Variants in NAE1 observed in about 807,000 individuals in gnomAD.
NAE1 encodes NEDD8 activating enzyme E1 subunit 1.
In NAE1, 59 loss-of-function variants were observed where a neutral mutation model predicts 88.0. That is an observed-to-expected ratio of 0.67 (90% CI 0.54 to 0.83). The LOEUF (loss-of-function observed/expected upper bound fraction) is 0.83. Among genes scored for constraint, NAE1 ranks in the 40% least tolerant of loss-of-function variants. The probability of loss-of-function intolerance (pLI) is 0.00; values close to 1 mark genes in which losing one functional copy is unlikely to be tolerated. For missense variants in NAE1, 554 were observed against 632.8 expected (o/e 0.88, Z 1.34); for synonymous variants, 186 against 208.9 (o/e 0.89, Z 0.95).
rs1248734881 is a variant in NAE1, at chr16:66,823,277, G to A, written c.351C>T (p.Pro117=). The A allele has an allele frequency of 1.2e-6, 2 of 1,604,350 alleles. No homozygotes were observed. The highest frequency in any genetic ancestry group is 8.5e-7 in the Non-Finnish European group (1 of 1,176,926). Residue 117 remains proline (P), a synonymous_variant, in exon 6 of 20, where the codon CCC becomes CCT. Transcript: ENST00000290810. ...CAACAGTAAACCTACAGAAAAATGA[G>A]GGATCATTGTCTAGAAGGTTTTCTG... ...ESPENLLDND[P]SFFCRFTVVV...
chr16:66,819,514 T>C (rs1378978427), intron 7 of NAE1, among the ~76,000 whole-genome samples: 1 of 152,222 alleles, frequency 6.6e-6, no homozygotes, highest in Non-Finnish European at 1.5e-5. Context: ...GCATCATCTA[T>C]AAAAAGCAGA....
intron 6 of NAE1, among the ~76,000 whole-genome samples, chr16:66,822,054 AC>A (rs1294383967): frequency 6.6e-6 from 1 of 152,086 alleles, no homozygotes; most frequent in African/African-American, 2.4e-5. Flanking sequence ...TTTTGTAGAC[AC>A]AAGGTTTTGC....
intron 19 of NAE1, among the ~76,000 whole-genome samples, chr16:66,803,464 G>A (rs1478456751): frequency 6.6e-6 from 1 of 152,044 alleles, no homozygotes; most frequent in Non-Finnish European, 1.5e-5. Flanking sequence ...TGTAATTTAG[G>A]AAGGATCTAT....
chr16:66,828,253 G>A, intron 1 of NAE1: 1 of 467,272 alleles, frequency 2.1e-6, no homozygotes, highest in Non-Finnish European at 3.9e-6. Flanking sequence ...CACTTTGGGA[G>A]GCGGAGGCAG....
At chr16:66,828,919 G>GAGC in intron 1 of NAE1, among the ~76,000 whole-genome samples, 1 of 151,596 alleles carries the variant, frequency 6.6e-6, no homozygotes, top group South Asian at 2.1e-4. Flanking sequence ...AGGCTGCAGT[G>GAGC]AGCAGTGTTC....
chr16:66,812,402 T>C (rs1959838385), intron 13 of NAE1, among the ~76,000 whole-genome samples: 1 of 152,098 alleles, frequency 6.6e-6, no homozygotes. Flanking sequence ...GGATCAAATA[T>C]TAAGTTTATC....
intron 6 of NAE1, 115 bp downstream of exon 6, chr16:66,823,105 ATTTAAAG>A: frequency 2.2e-6 from 1 of 454,550 alleles, no homozygotes; most frequent in Non-Finnish European, 3.6e-6. Flanking sequence ...AAAGTTTCAT[ATTTAAAG>A]TTTCTATAGA....
intron 13 of NAE1, among the ~76,000 whole-genome samples, chr16:66,811,252 C>T (rs947077199): frequency 3.9e-5 from 6 of 152,052 alleles, no homozygotes; most frequent in Non-Finnish European, 5.9e-5. Flanking sequence ...CAACTTCCCA[C>T]GCTCAACTGA....
chr16:66,811,582 T>C (rs968426690), intron 13 of NAE1, among the ~76,000 whole-genome samples: 1 of 151,982 alleles, frequency 6.6e-6, no homozygotes, highest in African/African-American at 2.4e-5. Flanking sequence ...AGACAGACCA[T>C]GGAAAACGTA....
At chr16:66,808,683 T>C in intron 16 of NAE1, 70 bp from the exon 17 acceptor site, 1 of 1,101,140 alleles carries the variant, frequency 9.1e-7, no homozygotes. Flanking sequence ...GGGCTGAATT[T>C]ACTATATACT....
chr16:66,826,549 C>A lies in NAE1; in HGVS notation c.192G>T (p.Gln64His), dbSNP rs1181473786. 6.2e-7 allele frequency: 1 copy of A among 1,614,124 alleles called. No homozygotes were observed. Among genetic ancestry groups the A allele is most frequent in the Non-Finnish European group, 8.5e-7 (1 of 1,180,036 alleles). The change falls in exon 3 of 20, where the codon CAG becomes CAT. Residue 64 changes from glutamine to histidine, a missense_variant. Coordinates refer to ENST00000290810, the MANE Select transcript of NAE1 (RefSeq NM_003905.4). ...TGTTTCCAGCATCTTCTCCGCTGAC[C>A]TGATTTCCATCAATAATTGTAAACG... ...IGSFTIIDGN[Q>H]VSGEDAGNNF...
intron 9 of NAE1, 60 bp downstream of exon 9, chr16:66,817,365 T>A: frequency 1.5e-6 from 2 of 1,347,464 alleles, no homozygotes; most frequent in South Asian, 2.4e-5. Flanking sequence ...ATCAAGGAAA[T>A]CCTTTGTAAG....
Position 66,830,860 on chromosome 16 carries a change from C to A in NAE1, c.40G>T (p.Asp14Tyr). The change falls in exon 1 of 20, where the codon GAC (aspartate) becomes TAC (tyrosine). Residue 14 changes from aspartate to tyrosine, a missense_variant. Asp to Tyr is a radical substitution (Grantham distance 160). Coordinates refer to ENST00000290810, the MANE Select transcript of NAE1 (RefSeq NM_003905.4). ...LGKLLKEQKY[D>Y]RQLRLWGDHG... ...GCCTCGGCTCACCTCAGCTGCCGGT[C>A]GTACTTCTGCTCCTTGAGCAGCTTT... The A allele has an allele frequency of 1.3e-6, 2 of 1,530,136 alleles. No homozygotes were observed. Among genetic ancestry groups the A allele is most frequent in the South Asian group, 2.4e-5 (2 of 83,118 alleles). 94.8% of individuals were successfully genotyped at this position (1,530,136 alleles called of 1,614,324 possible).
chr16:66,813,437 G>A, intron 13 of NAE1, 127 bp downstream of exon 13: 1 of 1,164,976 alleles, frequency 8.6e-7, no homozygotes. Flanking sequence ...CACTGCAGCT[G>A]GCCTAGTTTA....
In NAE1 at chr16:66,816,850, T is replaced by C. The variant is rs1960062290; in HGVS notation, c.748+115A>G. 2.7e-6 allele frequency: 4 copies of C among 1,485,936 alleles called. No homozygotes were observed. In the East Asian group the frequency reaches 9.2e-5, roughly 34 times the overall value. 92.0% of individuals were successfully genotyped at this position (1,485,936 alleles called of 1,614,324 possible). On this transcript the variant is annotated intron_variant, in intron 10 of 19. Coordinates refer to ENST00000290810, the MANE Select transcript of NAE1 (RefSeq NM_003905.4). ...CTTCTTAACTTCTCCAGAAGGAAAATAAAAGCTCATGATGCTATCATCTGA... is the reference window on the plus strand; with the variant it reads ...CTTCTTAACTTCTCCAGAAGGAAAACAAAAGCTCATGATGCTATCATCTGA...
chr16:66,813,546 T>C lies in NAE1; in HGVS notation c.1034+18A>G, dbSNP rs1356227213. On this transcript the variant is annotated intron_variant, in intron 13 of 19. Transcript: ENST00000290810. Reference sequence around the variant, plus strand: ...AATCAGACTTTTTCTATTACATAGTTTGAAAACAGTGACATACACGTTTTG... The same window carrying C: ...AATCAGACTTTTTCTATTACATAGTCTGAAAACAGTGACATACACGTTTTG... The C allele has an allele frequency of 1.3e-6, 2 of 1,595,096 alleles. No individual in the cohort carries two copies. Among genetic ancestry groups the C allele is most frequent in the African/African-American group, 2.7e-5 (2 of 74,006 alleles).
At chr16:66,806,367 C>T (rs927209891) in intron 17 of NAE1, among the ~76,000 whole-genome samples, 1 of 151,900 alleles carries the variant, frequency 6.6e-6, no homozygotes, top group African/African-American at 2.4e-5. Flanking sequence ...AGTTATTCTC[C>T]AATTCTAAAA....
At chr16:66,805,734 T>C (rs752115894) in intron 19 of NAE1, 43 bp downstream of exon 19, 1 of 1,404,214 alleles carries the variant, frequency 7.1e-7, no homozygotes, top group Non-Finnish European at 9.4e-7. Context: ...ATAGTAACTG[T>C]ACTATGTAAC....
intron 17 of NAE1, 26 bp from the exon 18 acceptor site, chr16:66,806,052 AAAAT>A (rs1459005694): frequency 2.5e-6 from 4 of 1,580,664 alleles, no homozygotes; most frequent in Non-Finnish European, 3.4e-6. Flanking sequence ...AGTTTTCATT[AAAAT>A]AAATGTGATT....
Sources: gnomAD v4.1 joint callset for allele counts (sites outside exome capture counted in the v4.1 genomes callset) on GRCh38, gnomAD v4.1.1 for gene constraint, MANE v1.5 for transcripts, NCBI Gene and HGNC (gene_info 2026-07-23, HGNC 2026-07-21) for gene names.